TMEM132D: variants seen among roughly 807,000 people sequenced by gnomAD.
TMEM132D encodes transmembrane protein 132D, also known as mature OL transmembrane protein.
Under a neutral mutation model 62.3 loss-of-function variants are expected in TMEM132D, and 21 were observed. The observed-to-expected ratio is 0.34, with a 90% CI of 0.24 to 0.49. The LOEUF (loss-of-function observed/expected upper bound fraction) is 0.49, where lower values mean the gene tolerates loss of function less well. TMEM132D is among the 20% of genes least tolerant of loss of function. The pLI is 0.99. For synonymous variants in TMEM132D, 621 were observed against 575.6 expected (o/e 1.08, Z -1.13); for missense variants, 1,346 against 1,402.8 (o/e 0.96, Z 0.65).
chr12:129,660,682 G>C (rs1374207778), intron 2 of TMEM132D, among the ~76,000 whole-genome samples: 1 of 152,138 alleles, frequency 6.6e-6, no homozygotes, highest in Non-Finnish European at 1.5e-5. Context: ...TCATGTGCGG[G>C]GGGTACAGGA....
chr12:129,414,904 G>T (rs1872070454), intron 3 of TMEM132D, among the ~76,000 whole-genome samples: 1 of 152,006 alleles, frequency 6.6e-6, no homozygotes, highest in Non-Finnish European at 1.5e-5. Context: ...TCCACATATA[G>T]GTGAGATCAT....
At chr12:129,716,829 G>C (rs796145804) in intron 1 of TMEM132D, among the ~76,000 whole-genome samples, 3 of 152,330 alleles carry the variant, frequency 2.0e-5, no homozygotes, top group African/African-American at 7.2e-5. Context: ...CACTAAGTTT[G>C]TGGTGATTTG....
intron 2 of TMEM132D, among the ~76,000 whole-genome samples, chr12:129,542,527 T>TG (rs2137098767): frequency 6.6e-6 from 1 of 152,226 alleles, no homozygotes; most frequent in Non-Finnish European, 1.5e-5. Flanking sequence ...ATGGCATGAA[T>TG]GGGGATATAA....
At chr12:129,747,433 C>T (rs1025213651) in intron 1 of TMEM132D, among the ~76,000 whole-genome samples, 2 of 149,862 alleles carry the variant, frequency 1.3e-5, no homozygotes, top group African/African-American at 2.5e-5. Flanking sequence ...CACACAGACA[C>T]ACACACTCTC....
chr12:129,508,402 A>C (rs573738551), intron 3 of TMEM132D, among the ~76,000 whole-genome samples: 1 of 152,348 alleles, frequency 6.6e-6, no homozygotes, highest in East Asian at 1.9e-4. Flanking sequence ...GCACTGGATA[A>C]GTGAAAATAC....
At chr12:129,516,274 C>T (rs546997026) in intron 3 of TMEM132D, among the ~76,000 whole-genome samples, 31 of 152,332 alleles carry the variant, frequency 2.0e-4, no homozygotes, top group African/African-American at 6.5e-4. Context: ...ATAAGTGCAA[C>T]GTCTGACTGA....
intron 4 of TMEM132D, among the ~76,000 whole-genome samples, chr12:129,263,302 G>A (rs563219733): frequency 6.6e-6 from 1 of 152,080 alleles, no homozygotes; most frequent in Non-Finnish European, 1.5e-5. Flanking sequence ...GTATCTTTTG[G>A]TTTTGTTTTC....
At position 129,116,918 on chromosome 12, in the gene TMEM132D, CAAAAAAAAAAAA is replaced by C. The variant is rs60513263; in HGVS notation, c.1444-32228_1444-32217del. ...TACCCAAATGAGCTGAAAATTTCCG[CAAAAAAAAAAAA>C]AAAAAAAAAAAAAAAAATCTGTACG... On this transcript the variant is annotated intron_variant, in intron 5 of 8. Transcript: ENST00000422113. Among the ~76,000 whole-genome samples the C allele has an allele frequency of 1.2e-4, 7 of 59,048 alleles. No individual in the cohort carries two copies. In the East Asian group the frequency reaches 2.8e-3, roughly 24 times the overall value. 38.7% of individuals were successfully genotyped at this position (59,048 alleles called of 152,430 possible).
intron 4 of TMEM132D, among the ~76,000 whole-genome samples, chr12:129,261,586 G>C (rs982537720): frequency 6.6e-6 from 1 of 152,118 alleles, no homozygotes; most frequent in Non-Finnish European, 1.5e-5. Context: ...AATACAGACT[G>C]GATGATTTGA....
intron 1 of TMEM132D, among the ~76,000 whole-genome samples, chr12:129,791,253 TTG>T (rs1203373339): frequency 6.6e-6 from 1 of 152,086 alleles, no homozygotes; most frequent in African/African-American, 2.4e-5. Flanking sequence ...TTTATGTGAG[TTG>T]TGTCAGGAAG....
chr12:129,401,993 G>C lies in TMEM132D; in HGVS notation c.1116-64176C>G, dbSNP rs1871638021. Among the ~76,000 whole-genome samples the C allele has an allele frequency of 2.0e-5, 3 of 152,176 alleles. No homozygotes were observed. In the South Asian group the frequency reaches 6.2e-4, roughly 32 times the overall value. ...ATTCAATACAACCAGGTACATGAGG[G>C]AGGGTGGCACGTTCTCAGTGAAGCC... is the stretch of plus-strand genomic sequence containing the variant. On this transcript the variant is annotated intron_variant, in intron 3 of 8. Transcript: ENST00000422113.
In TMEM132D at chr12:129,670,144, C is replaced by T. The variant is rs147949117; in HGVS notation, c.968+29666G>A. 8.5e-3 allele frequency among the ~76,000 whole-genome samples: 1,292 copies of T among 152,224 alleles called. 38 individuals carry two copies. In the South Asian group the frequency reaches 0.11, roughly 13 times the overall value. On this transcript the variant is annotated intron_variant, in intron 2 of 8. Transcript: ENST00000422113. ...GGCAGTGAAAGAGATCTAACTTAAC[C>T]GACTCCACCTTGCTTCTAACCTCCA...
chr12:129,648,742 C>T (rs940227271), intron 2 of TMEM132D, among the ~76,000 whole-genome samples: 2 of 152,188 alleles, frequency 1.3e-5, no homozygotes, highest in Non-Finnish European at 1.5e-5. Flanking sequence ...TTTATGAATA[C>T]GCATTTGATT....
At chr12:129,575,099 TGC>T in intron 2 of TMEM132D, among the ~76,000 whole-genome samples, 1 of 151,822 alleles carries the variant, frequency 6.6e-6, no homozygotes, top group African/African-American at 2.4e-5. Flanking sequence ...GAAGATGCTT[TGC>T]AGAAGGATAG....
chr12:129,257,141 G>T (rs1345866179), intron 4 of TMEM132D, among the ~76,000 whole-genome samples: 1 of 151,634 alleles, frequency 6.6e-6, no homozygotes, highest in Admixed American at 6.6e-5. Flanking sequence ...AGTGGCAGAT[G>T]AGTCAATTGA....
chr12:129,308,922 G>A (rs1881906247), intron 4 of TMEM132D, among the ~76,000 whole-genome samples: 1 of 152,210 alleles, frequency 6.6e-6, no homozygotes, highest in Admixed American at 6.5e-5. Context: ...GACTGGAAGA[G>A]GAGCAAGTAA....
At chr12:129,284,238 T>C (rs182726609) in intron 4 of TMEM132D, among the ~76,000 whole-genome samples, 44 of 152,332 alleles carry the variant, frequency 2.9e-4, no homozygotes, top group Admixed American at 2.6e-3. Context: ...CAGCTGGACA[T>C]CCACATCAGG....
intron 1 of TMEM132D, among the ~76,000 whole-genome samples, chr12:129,841,649 T>A (rs544644691): frequency 1.3e-5 from 2 of 152,328 alleles, no homozygotes; most frequent in South Asian, 4.1e-4. Flanking sequence ...GGCAAAGTGA[T>A]GTTTTGCCAA....
chr12:129,730,927 G>A (rs950900863), intron 1 of TMEM132D, among the ~76,000 whole-genome samples: 7 of 152,022 alleles, frequency 4.6e-5, no homozygotes, highest in Non-Finnish European at 1.0e-4. Context: ...TTTGGGACTC[G>A]GACTGGCTTC....
Sources: allele counts gnomAD v4.1 joint callset (sites outside exome capture counted in the v4.1 genomes callset), GRCh38; gene constraint gnomAD v4.1.1; transcripts MANE v1.5; gene names NCBI Gene and HGNC (gene_info 2026-07-23, HGNC 2026-07-21).